Variants in DMRT1 observed in about 807,000 individuals in gnomAD.
DMRT1 encodes the protein doublesex- and mab-3-related transcription factor 1.
DMRT1 carries 7 observed loss-of-function variants against 32.3 expected under a neutral mutation model. The observed-to-expected ratio is 0.22, with a 90% CI of 0.12 to 0.41. The LOEUF (loss-of-function observed/expected upper bound fraction) is 0.41, where lower values mean the gene tolerates loss of function less well. DMRT1 is among the 10% of genes least tolerant of loss of function. DMRT1 has a pLI of 1.00. For synonymous variants in DMRT1, 278 were observed against 206.1 expected, an observed-to-expected ratio of 1.35 and a Z score of -2.99; for missense variants, 625 against 500.5, an observed-to-expected ratio of 1.25 and a Z score of -2.37.
At chr9:861,704 A>G (rs1225691462) in intron 2 of DMRT1, among the ~76,000 whole-genome samples, 3 of 148,620 alleles carry the variant, frequency 2.0e-5, no homozygotes, top group Non-Finnish European at 4.4e-5. Context: ...CCCACCTCCC[A>G]GACGGGGCGG....
chr9:861,638 C>T lies in DMRT1; in HGVS notation c.538+14495C>T, dbSNP rs1473252080. Among the ~76,000 whole-genome samples, 13 of 150,398 alleles carry T rather than the reference C, an allele frequency of 8.6e-5. 1 individual carries two copies. The highest frequency in any genetic ancestry group is 2.6e-4 in the Admixed American group (4 of 15,242). On this transcript the variant is annotated intron_variant, in intron 2 of 4. Coordinates refer to ENST00000382276, the MANE Select transcript of DMRT1 (RefSeq NM_021951.3). ...GCTCCTCACTTCCCAGAAGGGGCAG[C>T]GGCCGGGCAGAGGGGCTCCTCACTT... is the stretch of plus-strand genomic sequence containing the variant.
At chr9:897,928 T>G (rs762498637) in intron 3 of DMRT1, among the ~76,000 whole-genome samples, 1 of 152,174 alleles carries the variant, frequency 6.6e-6, no homozygotes, top group Non-Finnish European at 1.5e-5. Context: ...TTGATGCCCT[T>G]AGGAAATAGA....
At chr9:896,515 C>T (rs1485489652) in intron 3 of DMRT1, among the ~76,000 whole-genome samples, 1 of 151,932 alleles carries the variant, frequency 6.6e-6, no homozygotes, top group Non-Finnish European at 1.5e-5. Context: ...GTGAGGTTGA[C>T]TTTTTAAGCA....
intron 1 of DMRT1, among the ~76,000 whole-genome samples, chr9:844,948 C>G (rs1176795967): frequency 6.6e-6 from 1 of 152,240 alleles, no homozygotes; most frequent in Admixed American, 6.5e-5. Context: ...TCTCAAACTC[C>G]TGACCTCAGG....
At chr9:897,985 G>A (rs561443422) in intron 3 of DMRT1, among the ~76,000 whole-genome samples, 48 of 152,316 alleles carry the variant, frequency 3.2e-4, no homozygotes, top group African/African-American at 1.1e-3. Flanking sequence ...AATGCGTTAA[G>A]ACATAGATGT....
rs191009510 is a variant in DMRT1, at chr9:865,165, G to C, written c.538+18022G>C. 1.5e-3 allele frequency among the ~76,000 whole-genome samples: 224 copies of C among 152,252 alleles called. 2 individuals carry two copies. The highest frequency in any genetic ancestry group is 2.6e-3 in the Non-Finnish European group (176 of 68,008). ...GGTTTTCCCTGAGAGAATGGTATAT[G>C]GCTTGATCAAAGTTCTCGAATATTG... On this transcript the variant is annotated intron_variant, in intron 2 of 4. Coordinates refer to ENST00000382276, the MANE Select transcript of DMRT1 (RefSeq NM_021951.3).
At chr9:851,143 G>C (rs1014426283) in intron 2 of DMRT1, among the ~76,000 whole-genome samples, 1 of 152,076 alleles carries the variant, frequency 6.6e-6, no homozygotes, top group African/African-American at 2.4e-5. Context: ...TACCAACCTG[G>C]CACACCTTGG....
In DMRT1 at chr9:842,355, C is replaced by G. The variant is rs541946356; in HGVS notation, c.354+163C>G. 3.8e-5 allele frequency: 35 copies of G among 918,280 alleles called. No homozygotes were observed. The African/African-American group carries it at 5.6e-4, about 15-fold the overall frequency. 56.9% of individuals were successfully genotyped at this position (918,280 alleles called of 1,614,324 possible). A position where few individuals can be genotyped will look rare whatever the true frequency, so the allele number is the denominator to read the frequency against. The stretch of plus-strand genomic sequence containing the variant: ...GTTCAAGCAATTCTCCTGCCTCAGC[C>G]TCCCAAGTAGCTGGGACTACAGGCG... On this transcript the variant is annotated intron_variant, in intron 1 of 4. Transcript: ENST00000382276.
intron 2 of DMRT1, among the ~76,000 whole-genome samples, chr9:892,468 C>T (rs1168342273): frequency 6.6e-6 from 1 of 152,146 alleles, no homozygotes; most frequent in Non-Finnish European, 1.5e-5. Context: ...TCTCTGCCTC[C>T]CCTGCATCTT....
At chr9:930,095 A>G (rs1223445053) in intron 4 of DMRT1, among the ~76,000 whole-genome samples, 2 of 152,192 alleles carry the variant, frequency 1.3e-5, no homozygotes, top group East Asian at 3.9e-4. Flanking sequence ...TTCTCAAATT[A>G]GAGAAACCAG....
At chr9:867,821 C>G (rs1273275048) in intron 2 of DMRT1, among the ~76,000 whole-genome samples, 1 of 152,124 alleles carries the variant, frequency 6.6e-6, no homozygotes, top group African/African-American at 2.4e-5. Context: ...CCTTTGCTTT[C>G]TTTTTCTCTT....
At chr9:966,278 T>G (rs1007017561) in intron 4 of DMRT1, among the ~76,000 whole-genome samples, 7 of 152,252 alleles carry the variant, frequency 4.6e-5, no homozygotes, top group Non-Finnish European at 1.5e-5. Flanking sequence ...TTCCTAGTTT[T>G]GGTTGCTATA....
At chr9:917,151 T>TCTC (rs1818210645) in intron 4 of DMRT1, among the ~76,000 whole-genome samples, 1 of 152,118 alleles carries the variant, frequency 6.6e-6, no homozygotes, top group Admixed American at 6.5e-5. Flanking sequence ...GATGAGAGAC[T>TCTC]CTCCCTTGGA....
intron 4 of DMRT1, among the ~76,000 whole-genome samples, chr9:941,582 T>A (rs1458181473): frequency 6.6e-6 from 1 of 152,072 alleles, no homozygotes; most frequent in African/African-American, 2.4e-5. Flanking sequence ...GAGTTACAGT[T>A]TGAGAACATA....
chr9:916,227 CA>C (rs1160266361), intron 3 of DMRT1, among the ~76,000 whole-genome samples: 9 of 152,188 alleles, frequency 5.9e-5, no homozygotes, highest in African/African-American at 2.2e-4. Flanking sequence ...AATCGAGCAC[CA>C]AATGAACAGA....
At chr9:904,362 AG>A (rs1351236976) in intron 3 of DMRT1, among the ~76,000 whole-genome samples, 12 of 152,204 alleles carry the variant, frequency 7.9e-5, no homozygotes, top group African/African-American at 2.7e-4. Context: ...CAGATTTCTT[AG>A]GAGTCTATAT....
At chr9:915,233 T>G (rs913526578) in intron 3 of DMRT1, among the ~76,000 whole-genome samples, 4 of 152,190 alleles carry the variant, frequency 2.6e-5, no homozygotes, top group Non-Finnish European at 5.9e-5. Context: ...CGTGAAGATG[T>G]GATCATGAGT....
chr9:919,956 C>T (rs972558874), intron 4 of DMRT1, among the ~76,000 whole-genome samples: 9 of 152,122 alleles, frequency 5.9e-5, no homozygotes, highest in Non-Finnish European at 1.2e-4. Flanking sequence ...TGATTTTCTA[C>T]GTATTTGTAC....
intron 3 of DMRT1, among the ~76,000 whole-genome samples, chr9:896,295 T>A (rs61693331): frequency 0.04 from 5,974 of 148,002 alleles, 179 homozygotes; most frequent in African/African-American, 0.085. Flanking sequence ...CTTTTTTTTT[T>A]TTTTTTTTCC....
Sources: gnomAD v4.1 joint callset for allele counts (sites outside exome capture counted in the v4.1 genomes callset) on GRCh38, gnomAD v4.1.1 for gene constraint, MANE v1.5 for transcripts, NCBI Gene and HGNC (gene_info 2026-07-23, HGNC 2026-07-21) for gene names.